The following INPP5A variants were observed in gnomAD, a reference collection of about 807,000 sequenced individuals.
The protein encoded by INPP5A is inositol polyphosphate-5-phosphatase A, also known as 43 kDa inositol polyphosphate 5-phophatase.
INPP5A carries 14 observed loss-of-function variants against 65.2 expected under a neutral mutation model. The ratio of observed to expected loss-of-function variants is 0.21; its 90% CI spans 0.14 to 0.34. The LOEUF (loss-of-function observed/expected upper bound fraction) is 0.34, where lower values mean the gene tolerates loss of function less well. Ranked by LOEUF, INPP5A falls within the 10% of genes least tolerant of loss-of-function variation. The pLI is 1.00. For synonymous variants in INPP5A, 207 were observed against 208.3 expected, an observed-to-expected ratio of 0.99 and a Z score of 0.05; for missense variants, 431 against 545.6, an observed-to-expected ratio of 0.79 and a Z score of 2.09.
intron 1 of INPP5A, among the ~76,000 whole-genome samples, chr10:132,553,298 G>A (rs1182532228): frequency 7.5e-5 from 9 of 119,994 alleles, no homozygotes; most frequent in African/African-American, 1.3e-4. Flanking sequence ...TGGAATATTG[G>A]GTAGGATAGG....
intron 2 of INPP5A, among the ~76,000 whole-genome samples, chr10:132,631,092 G>A (rs541205582): frequency 1.3e-5 from 2 of 152,194 alleles, no homozygotes; most frequent in South Asian, 4.1e-4. Context: ...TGGTGGCCCA[G>A]CCCCACGCAG....
In INPP5A at chr10:132,549,964, G is replaced by A. The variant is rs1379351948; in HGVS notation, c.75+11793G>A. The stretch of plus-strand genomic sequence containing the variant: ...CTCGAGTTACTAACCGGGCATTAGG[G>A]GATGGGGTCAGCCTCGAGTTACTAA... On this transcript the variant is annotated intron_variant, in intron 1 of 15. Coordinates refer to ENST00000368594, the MANE Select transcript of INPP5A (RefSeq NM_005539.5). This position sits in a 1 kb window ranked among gnomAD's most constrained non-coding sequence, Gnocchi z 4.9. 3.9e-4 allele frequency among the ~76,000 whole-genome samples: 24 copies of A among 62,064 alleles called. No individual in the cohort carries two copies. The highest frequency in any genetic ancestry group is 7.9e-4 in the South Asian group (1 of 1,266). 40.7% of individuals were successfully genotyped at this position (62,064 alleles called of 152,430 possible).
chr10:132,623,830 T>C (rs558991318), intron 2 of INPP5A, among the ~76,000 whole-genome samples: 33 of 152,262 alleles, frequency 2.2e-4, no homozygotes, highest in African/African-American at 7.9e-4. Flanking sequence ...AATTTTAAAA[T>C]AACTGAAAAA....
chr10:132,689,425 G>A (rs547268126), intron 4 of INPP5A, among the ~76,000 whole-genome samples: 3 of 152,352 alleles, frequency 2.0e-5, no homozygotes, highest in Non-Finnish European at 4.4e-5. Flanking sequence ...AGGGCACACA[G>A]CTATCTCCTA....
At chr10:132,666,786 C>T (rs570405696) in intron 4 of INPP5A, among the ~76,000 whole-genome samples, 11 of 152,310 alleles carry the variant, frequency 7.2e-5, no homozygotes, top group South Asian at 6.2e-4. Flanking sequence ...AAAGCGGCCC[C>T]CAGCGTGTGC....
intron 6 of INPP5A, 52 bp from the exon 7 acceptor site, chr10:132,708,261 T>A: frequency 6.5e-7 from 1 of 1,549,296 alleles, no homozygotes; most frequent in East Asian, 2.2e-5. Context: ...GACCCACGTG[T>A]TGCTCTTGCT....
intron 4 of INPP5A, among the ~76,000 whole-genome samples, chr10:132,682,015 C>A (rs182822744): frequency 1.8e-3 from 279 of 152,284 alleles, no homozygotes; most frequent in Non-Finnish European, 3.2e-3. Context: ...AAGTACAGTG[C>A]CTGGTTGCCA....
intron 2 of INPP5A, among the ~76,000 whole-genome samples, chr10:132,613,454 A>G (rs1008769054): frequency 1.3e-5 from 2 of 152,234 alleles, no homozygotes; most frequent in African/African-American, 4.8e-5. Context: ...TATGAAAGAC[A>G]GTAGAGTCAT....
intron 12 of INPP5A, among the ~76,000 whole-genome samples, chr10:132,775,638 C>T (rs528490616): frequency 6.6e-6 from 1 of 152,276 alleles, no homozygotes; most frequent in South Asian, 2.1e-4. Context: ...AGGCTTCTTC[C>T]TCCTGTTGAG....
At chr10:132,654,910 G>A (rs538729500) in intron 4 of INPP5A, among the ~76,000 whole-genome samples, 29 of 152,238 alleles carry the variant, frequency 1.9e-4, no homozygotes, top group Non-Finnish European at 3.2e-4. Flanking sequence ...TGGCGCCCAC[G>A]CAGCGCCTGA....
At chr10:132,583,484 C>T (rs904930753) in intron 1 of INPP5A, among the ~76,000 whole-genome samples, 5 of 151,774 alleles carry the variant, frequency 3.3e-5, no homozygotes, top group Admixed American at 2.6e-4. Context: ...CTCTTCCTTT[C>T]GGGGAAAGTA....
intron 4 of INPP5A, among the ~76,000 whole-genome samples, chr10:132,666,176 A>G (rs932954792): frequency 3.9e-5 from 6 of 152,154 alleles, no homozygotes; most frequent in East Asian, 1.9e-4. Context: ...CGTGACTGTT[A>G]TAATGCATCA....
At chr10:132,725,096 T>C (rs983365723) in intron 8 of INPP5A, among the ~76,000 whole-genome samples, 5 of 149,706 alleles carry the variant, frequency 3.3e-5, no homozygotes, top group African/African-American at 1.3e-4. Flanking sequence ...GGGAGGCCCC[T>C]GGAATCAAAG....
intron 4 of INPP5A, among the ~76,000 whole-genome samples, chr10:132,683,683 G>A (rs116454028): frequency 2.5e-3 from 381 of 152,334 alleles, no homozygotes; most frequent in African/African-American, 8.6e-3. Context: ...GTCTTTATGT[G>A]CAACAGAGAA....
At chr10:132,548,710 T>C (rs1208434908) in intron 1 of INPP5A, among the ~76,000 whole-genome samples, 1 of 152,114 alleles carries the variant, frequency 6.6e-6, no homozygotes, top group Non-Finnish European at 1.5e-5. Flanking sequence ...GTTGTTTTCA[T>C]GCGTCTGGTT....
At chr10:132,625,873 TGTGTTTG>T (rs2072177232) in intron 2 of INPP5A, among the ~76,000 whole-genome samples, 2 of 143,192 alleles carry the variant, frequency 1.4e-5, no homozygotes, top group Non-Finnish European at 3.1e-5. Flanking sequence ...TGTGTGTGTG[TGTGTTTG>T]TGTGTGTGTG....
rs1397221693 is a variant in INPP5A, at chr10:132,550,407, C to T, written c.75+12236C>T. 6.6e-6 allele frequency among the ~76,000 whole-genome samples: 1 copy of T among 152,222 alleles called. No homozygotes were observed. The highest frequency in any genetic ancestry group is 1.5e-5 in the Non-Finnish European group (1 of 68,038). ...CCAGGTGCAGGTCTCAGCAGCAACT[C>T]TGAGGTTCTGCATAGCTAGTGCCAC... On this transcript the variant is annotated intron_variant, in intron 1 of 15. Transcript: ENST00000368594. The surrounding 1 kb of genome is among the most constrained non-coding windows in gnomAD (Gnocchi z 4.2).
intron 13 of INPP5A, among the ~76,000 whole-genome samples, chr10:132,780,020 G>A (rs971166614): frequency 6.6e-6 from 1 of 152,248 alleles, no homozygotes; most frequent in Non-Finnish European, 1.5e-5. Context: ...CCACTTCTGC[G>A]GAGGCGCCGC....
chr10:132,557,691 G>T (rs926848820), intron 1 of INPP5A, among the ~76,000 whole-genome samples: 2 of 152,204 alleles, frequency 1.3e-5, no homozygotes, highest in African/African-American at 4.8e-5. Flanking sequence ...TCATTTTGAG[G>T]GGTCAGACCA....
Sources: gnomAD v4.1 joint callset for allele counts (sites outside exome capture counted in the v4.1 genomes callset) on GRCh38, gnomAD v4.1.1 for gene constraint, Gnocchi (gnomAD v3.1) non-coding constraint, MANE v1.5 for transcripts, NCBI Gene and HGNC (gene_info 2026-07-23, HGNC 2026-07-21) for gene names.